The following PLEKHG1 variants were observed in gnomAD, a reference collection of about 807,000 sequenced individuals.
The protein encoded by PLEKHG1 is pleckstrin homology domain-containing family G member 1.
In PLEKHG1, 44 loss-of-function variants were observed where a neutral mutation model predicts 100.8. The observed-to-expected ratio is 0.44, with a 90% CI of 0.34 to 0.56. The LOEUF is 0.56. PLEKHG1 is among the 20% of genes least tolerant of loss of function. The probability of loss-of-function intolerance (pLI) is 0.01; values close to 1 mark genes in which losing one functional copy is unlikely to be tolerated. For synonymous variants in PLEKHG1, 640 were observed against 662.5 expected, an observed-to-expected ratio of 0.97 and a Z score of 0.52; for missense variants, 1,545 against 1,720.9, an observed-to-expected ratio of 0.90 and a Z score of 1.81.
upstream of PLEKHG1, among the ~76,000 whole-genome samples, chr6:150,717,478 C>T (rs1359087910): frequency 1.3e-5 from 2 of 152,094 alleles, no homozygotes; most frequent in Non-Finnish European, 2.9e-5. Context: ...CCACGCCCGG[C>T]CTGGGAAGGG....
At chr6:150,752,985 T>A (rs1783609716) in intron 2 of PLEKHG1, among the ~76,000 whole-genome samples, 1 of 152,084 alleles carries the variant, frequency 6.6e-6, no homozygotes, top group African/African-American at 2.4e-5. Flanking sequence ...TGATGGTGCC[T>A]TCCTGTAGTC....
exon 16 of PLEKHG1, chr6:150,840,138 A>G: frequency 6.2e-7 from 1 of 1,614,184 alleles, no homozygotes; most frequent in South Asian, 1.1e-5. Flanking sequence ...TTCTCTTCAA[A>G]CCTCTGACCC....
exon 16 of PLEKHG1, chr6:150,840,313 C>T (rs1221710429): frequency 6.2e-7 from 1 of 1,614,158 alleles, no homozygotes; most frequent in Non-Finnish European, 8.5e-7. Flanking sequence ...ATCAACAAAT[C>T]AATGGATTCC....
chr6:150,609,456 T>C (rs1012233124), intron 1 of PLEKHG1, among the ~76,000 whole-genome samples: 5 of 151,964 alleles, frequency 3.3e-5, no homozygotes, highest in African/African-American at 1.2e-4. Flanking sequence ...GGGCAGGCCT[T>C]AGAGAGAAAT....
chr6:150,800,194 A>C (rs1269999849), intron 5 of PLEKHG1, among the ~76,000 whole-genome samples: 1 of 152,158 alleles, frequency 6.6e-6, no homozygotes, highest in East Asian at 1.9e-4. Flanking sequence ...AAGCAAGCCT[A>C]CCACATAGGG....
At chr6:150,818,986 C>T (rs971531338) in intron 11 of PLEKHG1, among the ~76,000 whole-genome samples, 1 of 152,174 alleles carries the variant, frequency 6.6e-6, no homozygotes, top group Non-Finnish European at 1.5e-5. Flanking sequence ...GGTGCATTCC[C>T]ACCATCGCTG....
At chr6:150,788,024 CT>C (rs1479021135) in intron 4 of PLEKHG1, among the ~76,000 whole-genome samples, 3 of 152,204 alleles carry the variant, frequency 2.0e-5, no homozygotes, top group Admixed American at 6.5e-5. Flanking sequence ...AACGTAGAAG[CT>C]TTCGGAAACG....
intron 3 of PLEKHG1, among the ~76,000 whole-genome samples, chr6:150,708,078 C>G (rs746748782): frequency 2.6e-5 from 4 of 152,142 alleles, no homozygotes; most frequent in Non-Finnish European, 5.9e-5. Flanking sequence ...TGTTCTTTTC[C>G]TTATGGGAAA....
intron 2 of PLEKHG1, among the ~76,000 whole-genome samples, chr6:150,748,707 A>G (rs187813787): frequency 1.3e-4 from 17 of 133,630 alleles, no homozygotes; most frequent in Middle Eastern, 5.3e-3. Context: ...TGCAACCTCC[A>G]CCTCCCCAGT....
At chr6:150,656,162 G>C (rs1432642727) in intron 3 of PLEKHG1, among the ~76,000 whole-genome samples, 2 of 152,066 alleles carry the variant, frequency 1.3e-5, no homozygotes, top group African/African-American at 4.8e-5. Context: ...CCTTAAGGTG[G>C]TATAGGGACT....
chr6:150,730,331 GGTGGGGGT>G (rs1303205279), intron 1 of PLEKHG1, among the ~76,000 whole-genome samples: 1 of 144,590 alleles, frequency 6.9e-6, no homozygotes, highest in Admixed American at 7.0e-5. Context: ...GGGTTGAGGT[GGTGGGGGT>G]GTGGGGGTGG....
chr6:150,724,621 G>A (rs912230099), intron 1 of PLEKHG1, among the ~76,000 whole-genome samples: 3 of 145,898 alleles, frequency 2.1e-5, no homozygotes, highest in Non-Finnish European at 4.5e-5. Context: ...GTGAAGTGGT[G>A]TGATCTCGGC....
chr6:150,745,236 A>G (rs1783092831), intron 2 of PLEKHG1, among the ~76,000 whole-genome samples: 2 of 152,242 alleles, frequency 1.3e-5, no homozygotes, highest in South Asian at 4.1e-4. Context: ...CAACTAAAAC[A>G]CAATGGCATT....
intron 3 of PLEKHG1, among the ~76,000 whole-genome samples, chr6:150,709,028 A>C (rs1321089164): frequency 2.6e-5 from 4 of 152,212 alleles, no homozygotes; most frequent in Non-Finnish European, 5.9e-5. Flanking sequence ...TCTTTCACAA[A>C]TTCTGCCACA....
chr6:150,674,656 T>TCTCTCG (rs1779688120), intron 3 of PLEKHG1, among the ~76,000 whole-genome samples: 1 of 138,086 alleles, frequency 7.2e-6, no homozygotes, highest in African/African-American at 2.7e-5. Flanking sequence ...TCTCTCTCTC[T>TCTCTCG]CTCTCTCTCT....
At chr6:150,636,747 G>A (rs914378587) in intron 1 of PLEKHG1, among the ~76,000 whole-genome samples, 6 of 152,128 alleles carry the variant, frequency 3.9e-5, no homozygotes, top group African/African-American at 1.4e-4. Context: ...AATAAGAGTT[G>A]ACCCATTGTG....
At chr6:150,809,776 C>A (rs779044493) in intron 10 of PLEKHG1, 42 bp downstream of exon 11, 8 of 1,478,894 alleles carry the variant, frequency 5.4e-6, no homozygotes, top group Non-Finnish European at 6.6e-6. Context: ...GAGAGAGATA[C>A]AAGAATCATT....
At chr6:150,628,576 A>ACACACACATAC (rs1317085737) in intron 1 of PLEKHG1, among the ~76,000 whole-genome samples, 1 of 108,098 alleles carries the variant, frequency 9.3e-6, no homozygotes, top group African/African-American at 3.4e-5. Flanking sequence ...ACACACACAC[A>ACACACACATAC]CCCCGTCCTT....
At chr6:150,742,055 A>G (rs1782886648) in intron 2 of PLEKHG1, among the ~76,000 whole-genome samples, 1 of 152,258 alleles carries the variant, frequency 6.6e-6, no homozygotes, top group Non-Finnish European at 1.5e-5. Context: ...ATAGTGTTTC[A>G]TTAAGGATAG....
Sources: gnomAD v4.1 joint callset for allele counts (sites outside exome capture counted in the v4.1 genomes callset) on GRCh38, gnomAD v4.1.1 for gene constraint, MANE v1.5 for transcripts, NCBI Gene and HGNC (gene_info 2026-07-23, HGNC 2026-07-21) for gene names.